Variants in RAB2A observed in about 807,000 individuals in gnomAD.
RAB2A encodes the protein ras-related protein Rab-2A.
In RAB2A, 7 loss-of-function variants were observed where a neutral mutation model predicts 32.5. That is an observed-to-expected ratio of 0.22 (90% CI 0.12 to 0.40). The LOEUF (loss-of-function observed/expected upper bound fraction) is 0.40. Among genes scored for constraint, RAB2A ranks in the 10% least tolerant of loss-of-function variants. The probability of loss-of-function intolerance (pLI) is 1.00; values close to 1 mark genes in which losing one functional copy is unlikely to be tolerated. For missense variants in RAB2A, 108 were observed against 260.7 expected, an observed-to-expected ratio of 0.41 and a Z score of 4.03; for synonymous variants, 79 against 85.2, an observed-to-expected ratio of 0.93 and a Z score of 0.40.
chr8:60,545,271 G>A (rs553938780), intron 1 of RAB2A, among the ~76,000 whole-genome samples: 1 of 152,288 alleles, frequency 6.6e-6, no homozygotes, highest in East Asian at 1.9e-4. Context: ...GACGTGCTAA[G>A]TCTCTGGGAT....
At position 60,570,044 on chromosome 8, in the gene RAB2A, T is replaced by G. The variant is rs962705963; in HGVS notation, c.119-2002T>G. ...TGTGTTAGCTTCTCATCTGCTCGGA[T>G]GGAATGGTCACAGGTCAGTTTCCGT... On this transcript the variant is annotated intron_variant, in intron 2 of 7. Transcript: ENST00000262646. 3 of 456,066 alleles carry G rather than the reference T, an allele frequency of 6.6e-6. No individual in the cohort carries two copies. The East Asian group carries it at 2.1e-4, about 32-fold the overall frequency. The allele number at this position is 456,066 out of a possible 1,614,324, so 28.3% of individuals were successfully genotyped here.
intron 3 of RAB2A, among the ~76,000 whole-genome samples, chr8:60,583,703 A>C (rs1180739335): frequency 6.6e-6 from 1 of 152,244 alleles, no homozygotes; most frequent in Non-Finnish European, 1.5e-5. Context: ...GCCTTCCAAC[A>C]ACCTTTACAC....
chr8:60,574,157 A>G (rs1023622393), intron 3 of RAB2A, among the ~76,000 whole-genome samples: 8 of 152,216 alleles, frequency 5.3e-5, no homozygotes, highest in African/African-American at 1.9e-4. Context: ...ATTTAAGGCA[A>G]CTAAGATGTC....
At chr8:60,536,975 GAGAAT>G (rs1483383154) in intron 1 of RAB2A, among the ~76,000 whole-genome samples, 2 of 152,172 alleles carry the variant, frequency 1.3e-5, no homozygotes, top group African/African-American at 4.8e-5. Context: ...TCAATTAAAA[GAGAAT>G]AGAAGTGTTC....
In RAB2A at chr8:60,517,064, C is replaced by T. The variant is rs561440256; in HGVS notation, c.-144C>T. The T allele has an allele frequency of 3.8e-6, 3 of 782,876 alleles. No individual in the cohort carries two copies. The highest frequency in any genetic ancestry group is 3.7e-5 in the African/African-American group (2 of 53,984). 48.5% of individuals were successfully genotyped at this position (782,876 alleles called of 1,614,324 possible). On this transcript the variant is annotated 5_prime_UTR_variant, in exon 1 of 8. Coordinates refer to ENST00000262646, the MANE Select transcript of RAB2A (RefSeq NM_002865.3). ...AGTTCGTCCGGCTTCCTCACAGCCC[C>T]TCACTCCCGGCGGCTGACAGCAGCA...
intron 6 of RAB2A, among the ~76,000 whole-genome samples, chr8:60,611,294 C>G (rs1804343273): frequency 1.3e-5 from 2 of 152,146 alleles, no homozygotes; most frequent in Admixed American, 1.3e-4. Flanking sequence ...ACATCTCTAA[C>G]TTTATCTCAC....
chr8:60,580,804 C>A (rs954058039), intron 3 of RAB2A, among the ~76,000 whole-genome samples: 2 of 152,126 alleles, frequency 1.3e-5, no homozygotes, highest in Non-Finnish European at 2.9e-5. Context: ...GTCTTTTACT[C>A]TTTACTATCT....
At chr8:60,586,912 A>AG (rs1159300749) in intron 5 of RAB2A, among the ~76,000 whole-genome samples, 3 of 151,290 alleles carry the variant, frequency 2.0e-5, no homozygotes, top group Non-Finnish European at 1.5e-5. Flanking sequence ...CCTGGGCAAA[A>AG]GAGCAAGACT....
At chr8:60,588,799 C>A (rs1302508515) in intron 5 of RAB2A, among the ~76,000 whole-genome samples, 1 of 152,130 alleles carries the variant, frequency 6.6e-6, no homozygotes, top group East Asian at 1.9e-4. Flanking sequence ...ATGTCTGTTA[C>A]ACCTCAAAAA....
intron 7 of RAB2A, chr8:60,618,947 G>C (rs1369283754): frequency 6.5e-6 from 1 of 152,776 alleles, no homozygotes; most frequent in Admixed American, 6.6e-5. Context: ...CCCCCAAAGA[G>C]AAAAGAAAAT....
intron 3 of RAB2A, among the ~76,000 whole-genome samples, chr8:60,576,915 A>G (rs1803642719): frequency 6.6e-6 from 1 of 152,194 alleles, no homozygotes; most frequent in Admixed American, 6.5e-5. Context: ...TTGAACAACT[A>G]CAGGGACAGG....
chr8:60,607,303 C>T (rs1804249575), intron 6 of RAB2A, among the ~76,000 whole-genome samples: 1 of 151,282 alleles, frequency 6.6e-6, no homozygotes, highest in African/African-American at 2.4e-5. Flanking sequence ...GTGGCAGGCA[C>T]CTGTAGTGCC....
chr8:60,578,460 G>T (rs1302156168), intron 3 of RAB2A, among the ~76,000 whole-genome samples: 2 of 152,220 alleles, frequency 1.3e-5, no homozygotes, highest in Admixed American at 1.3e-4. Flanking sequence ...GATAGGTGGA[G>T]AGAGAAGAAA....
intron 1 of RAB2A, among the ~76,000 whole-genome samples, chr8:60,537,319 T>C (rs1476185400): frequency 6.6e-6 from 1 of 150,464 alleles, no homozygotes; most frequent in Non-Finnish European, 1.5e-5. Flanking sequence ...CCTCCCGGGT[T>C]CAAGTGATTC....
At chr8:60,546,433 T>C (rs1054503892) in intron 1 of RAB2A, among the ~76,000 whole-genome samples, 4 of 152,114 alleles carry the variant, frequency 2.6e-5, no homozygotes, top group Non-Finnish European at 5.9e-5. Context: ...GTAATAAAGA[T>C]GCAAGAAAAA....
At chr8:60,592,327 A>G (rs1342947526) in intron 6 of RAB2A, among the ~76,000 whole-genome samples, 1 of 152,198 alleles carries the variant, frequency 6.6e-6, no homozygotes, top group Non-Finnish European at 1.5e-5. Context: ...TATGTTGAGC[A>G]AAATGGCTTC....
intron 2 of RAB2A, among the ~76,000 whole-genome samples, chr8:60,564,037 A>C (rs1293461842): frequency 6.6e-6 from 1 of 152,200 alleles, no homozygotes; most frequent in Non-Finnish European, 1.5e-5. Context: ...TTTCTTGGAC[A>C]CTCACATCAA....
At chr8:60,526,829 C>T (rs1431000007) in intron 1 of RAB2A, among the ~76,000 whole-genome samples, 1 of 151,936 alleles carries the variant, frequency 6.6e-6, no homozygotes, top group African/African-American at 2.4e-5. Context: ...ATTAGCCAGG[C>T]GTGGCGGCAT....
rs189735984 is a variant in RAB2A at position 60,527,017 on chromosome 8, G to A, written c.46+9764G>A. On this transcript the variant is annotated intron_variant, in intron 1 of 7. Transcript: ENST00000262646. ...TACTTGGGACTGGGGAATTTATGAA[G>A]AAAAAGAGGTTTAATTAACTCACAA... Among the ~76,000 whole-genome samples the A allele has an allele frequency of 5.3e-3, 794 of 149,518 alleles. 7 individuals carry two copies. Among genetic ancestry groups the A allele is most frequent in the African/African-American group, 0.018 (750 of 40,748 alleles).
Sources: gnomAD v4.1 joint callset for allele counts (sites outside exome capture counted in the v4.1 genomes callset) on GRCh38, gnomAD v4.1.1 for gene constraint, MANE v1.5 for transcripts, NCBI Gene and HGNC (gene_info 2026-07-23, HGNC 2026-07-21) for gene names.